Variants in COL24A1 observed in about 807,000 individuals in gnomAD.
COL24A1 encodes collagen type XXIV alpha 1 chain.
COL24A1 carries 224 observed loss-of-function variants against 253.9 expected under a neutral mutation model. The observed-to-expected ratio is 0.88, with a 90% CI of 0.79 to 0.99. The LOEUF is 0.99. Ranked by LOEUF, COL24A1 falls within the 50% of genes least tolerant of loss-of-function variation. The pLI, the probability that COL24A1 is intolerant of heterozygous loss-of-function variation, is 0.00. For synonymous variants in COL24A1, 685 were observed against 673.7 expected (o/e 1.02, Z -0.26); for missense variants, 2,131 against 2,068.5 (o/e 1.03, Z -0.59).
chr1:85,842,510 C>T, intron 39 of COL24A1, 117 bp from the exon 40 acceptor site: 1 of 737,536 alleles, frequency 1.4e-6, no homozygotes, highest in East Asian at 3.0e-5. Flanking sequence ...TTGAAATTTA[C>T]CTAGTTTGAA....
chr1:85,911,234 T>G, intron 25 of COL24A1, 146 bp downstream of exon 25: 3 of 633,606 alleles, frequency 4.7e-6, no homozygotes, highest in Non-Finnish European at 8.3e-6. Context: ...GTTAGCTATA[T>G]TTCAATATAT....
chr1:85,804,910 G>GA (rs1671809722), intron 47 of COL24A1, among the ~76,000 whole-genome samples: 1 of 151,734 alleles, frequency 6.6e-6, no homozygotes, highest in Non-Finnish European at 1.5e-5. Context: ...GCAGTGGCAT[G>GA]ATGATACTTC....
chr1:85,829,000 T>C (rs1165820067), intron 43 of COL24A1, among the ~76,000 whole-genome samples: 1 of 152,130 alleles, frequency 6.6e-6, no homozygotes, highest in African/African-American at 2.4e-5. Context: ...CGTTAGTTGA[T>C]GCAGTTTCTT....
chr1:85,772,508 G>A (rs904920588), intron 53 of COL24A1, among the ~76,000 whole-genome samples: 3 of 151,906 alleles, frequency 2.0e-5, no homozygotes, highest in South Asian at 2.1e-4. Context: ...ACATGCACAC[G>A]TATGTTTATT....
intron 19 of COL24A1, among the ~76,000 whole-genome samples, chr1:85,996,571 G>A (rs1188661895): frequency 3.3e-5 from 5 of 152,008 alleles, no homozygotes; most frequent in Admixed American, 6.5e-5. Context: ...TGGGGGCGGA[G>A]GTTGCAGTGA....
At chr1:86,130,690 T>A (rs796144216) in intron 2 of COL24A1, among the ~76,000 whole-genome samples, 6 of 151,914 alleles carry the variant, frequency 3.9e-5, no homozygotes, top group African/African-American at 1.4e-4. Flanking sequence ...ATTTCTTTCA[T>A]CTAATTTACC....
At position 85,829,568 on chromosome 1, in the gene COL24A1, C is replaced by T. The variant is rs532608176; in HGVS notation, c.3682-5830G>A. Among the ~76,000 whole-genome samples the T allele has an allele frequency of 1.7e-4, 26 of 152,008 alleles. 1 individual carries two copies. The highest frequency in any genetic ancestry group is 5.3e-4 in the African/African-American group (22 of 41,522). ...GTCACTTTCAGGTACACCAATCAGA[C>T]GTAGATTTGGTTTTTTCATATAGCC... is the stretch of plus-strand genomic sequence containing the variant. On this transcript the variant is annotated intron_variant, in intron 43 of 59. Coordinates refer to ENST00000370571, the MANE Select transcript of COL24A1 (RefSeq NM_152890.7).
chr1:86,036,691 A>T (rs1486301150), intron 12 of COL24A1, among the ~76,000 whole-genome samples: 2 of 152,168 alleles, frequency 1.3e-5, no homozygotes, highest in Non-Finnish European at 2.9e-5. Flanking sequence ...TTGCCAAAAA[A>T]TGGTCTTCAA....
rs534562111 is a variant in COL24A1 at position 85,936,333 on chromosome 1, C to A, written c.2563-24900G>T. Among the ~76,000 whole-genome samples the A allele has an allele frequency of 4.1e-5, 6 of 146,976 alleles. 1 individual carries two copies. In the South Asian group the frequency reaches 1.5e-3, roughly 36 times the overall value. ...CTCTCCCCTGTAAGAAAACGTAACCCAGTTAGGATTCCCACCACCTCCTCT... is the reference window on the plus strand; with the variant it reads ...CTCTCCCCTGTAAGAAAACGTAACCAAGTTAGGATTCCCACCACCTCCTCT... On this transcript the variant is annotated intron_variant, in intron 24 of 59. Coordinates refer to ENST00000370571, the MANE Select transcript of COL24A1 (RefSeq NM_152890.7).
At chr1:85,754,438 G>T (rs1249594801) in intron 55 of COL24A1, among the ~76,000 whole-genome samples, 2 of 98,530 alleles carry the variant, frequency 2.0e-5, no homozygotes, top group African/African-American at 7.9e-5. Flanking sequence ...CCTAATGCTA[G>T]ATGACACGTT....
chr1:86,143,005 A>G (rs1470247345), intron 2 of COL24A1, among the ~76,000 whole-genome samples: 1 of 152,220 alleles, frequency 6.6e-6, no homozygotes, highest in African/African-American at 2.4e-5. Context: ...GCAAAAGATG[A>G]AAATATTTCA....
intron 24 of COL24A1, among the ~76,000 whole-genome samples, chr1:85,915,016 A>G (rs555787951): frequency 6.6e-6 from 1 of 152,224 alleles, no homozygotes; most frequent in East Asian, 1.9e-4. Flanking sequence ...ACTGGGTTAC[A>G]GAGTGCTCAG....
At chr1:86,101,398 C>T (rs1396824780) in intron 5 of COL24A1, among the ~76,000 whole-genome samples, 1 of 152,128 alleles carries the variant, frequency 6.6e-6, no homozygotes, top group East Asian at 1.9e-4. Flanking sequence ...GCCTATTTTG[C>T]TCCGGCCAGG....
At chr1:86,117,063 C>T (rs1029153044) in intron 3 of COL24A1, among the ~76,000 whole-genome samples, 8 of 152,182 alleles carry the variant, frequency 5.3e-5, no homozygotes, top group Admixed American at 2.6e-4. Context: ...TAGGAGAAAT[C>T]GCAACTAAAA....
At position 86,022,271 on chromosome 1, in the gene COL24A1, G is replaced by A. The variant is rs369573090; in HGVS notation, c.2225C>T (p.Pro742Leu). 6.1e-5 allele frequency: 99 copies of A among 1,612,224 alleles called. No homozygotes were observed. Among genetic ancestry groups the A allele is most frequent in the African/African-American group, 9.4e-5 (7 of 74,550 alleles). The change falls in exon 18 of 60, where the codon CCA (proline) becomes CTA (leucine). Residue 742 changes from proline (P) to leucine (L), a missense_variant. By Grantham distance (98) the Pro-to-Leu change is moderately conservative. Coordinates refer to ENST00000370571, the MANE Select transcript of COL24A1 (RefSeq NM_152890.7). Reference sequence around the variant, plus strand: ...CCCTGACTTTCCTCTCATCCCTGGTGGTCCTGGTAAACCAACAGCACCCTA... The same window carrying A: ...CCCTGACTTTCCTCTCATCCCTGGTAGTCCTGGTAAACCAACAGCACCCTA... ...GDKGAVGLPGPPGMRGKSGPS... is the reference protein window; with the variant it reads ...GDKGAVGLPGLPGMRGKSGPS...
intron 47 of COL24A1, among the ~76,000 whole-genome samples, chr1:85,797,774 G>A (rs1263828850): frequency 6.6e-6 from 1 of 152,200 alleles, no homozygotes; most frequent in African/African-American, 2.4e-5. Flanking sequence ...CTGGGATACA[G>A]TAAGCGTTTA....
At chr1:86,011,986 T>C (rs1165580272) in intron 19 of COL24A1, among the ~76,000 whole-genome samples, 1 of 151,752 alleles carries the variant, frequency 6.6e-6, no homozygotes, top group Non-Finnish European at 1.5e-5. Flanking sequence ...TCTGTGTGTG[T>C]TTTTTCTTTT....
At chr1:85,869,953 A>G (rs1680250069) in intron 35 of COL24A1, among the ~76,000 whole-genome samples, 2 of 152,210 alleles carry the variant, frequency 1.3e-5, no homozygotes, top group African/African-American at 4.8e-5. Context: ...CAGGAAACCC[A>G]TCTCATGTGC....
rs1445187184 is a variant in COL24A1 at position 86,125,146 on chromosome 1, A to G, written c.1190T>C (p.Leu397Pro). 1.2e-6 allele frequency: 2 copies of G among 1,613,424 alleles called. No homozygotes were observed. Among genetic ancestry groups the G allele is most frequent in the Non-Finnish European group, 1.7e-6 (2 of 1,179,712 alleles). Reference protein sequence around the residue: ...LSLFKKMPSILPQIKQDTITN... With the variant: ...LSLFKKMPSIPPQIKQDTITN... ...AATTGTATCTTGTTTAATTTGTGGA[A>G]GAATAGATGGCATCTTCTTAAACAG... Residue 397 changes from leucine to proline, a missense_variant, in exon 3 of 60, where the codon CTT becomes CCT. Physicochemically the swap from Leu to Pro is moderately conservative, Grantham distance 98. Transcript: ENST00000370571.
Sources: allele counts gnomAD v4.1 joint callset (sites outside exome capture counted in the v4.1 genomes callset), GRCh38; gene constraint gnomAD v4.1.1; transcripts MANE v1.5; gene names NCBI Gene and HGNC (gene_info 2026-07-23, HGNC 2026-07-21).